Variants in CCNYL1 observed in about 807,000 individuals in gnomAD.
CCNYL1 encodes the protein cyclin Y like 1, also known as cyclin-Y-like protein 1.
Under a neutral mutation model 44.2 loss-of-function variants are expected in CCNYL1, and 16 were observed. The observed-to-expected ratio is 0.36, with a 90% CI of 0.25 to 0.55. The LOEUF is 0.55. CCNYL1 is among the 20% of genes least tolerant of loss of function. The pLI is 0.85. For missense variants in CCNYL1, 348 were observed against 451.8 expected, an observed-to-expected ratio of 0.77 and a Z score of 2.08; for synonymous variants, 159 against 163.2, an observed-to-expected ratio of 0.97 and a Z score of 0.20.
intron 2 of CCNYL1, 26 bp downstream of exon 2, chr2:207,724,900 C>A: frequency 1.3e-6 from 2 of 1,541,090 alleles, no homozygotes; most frequent in Non-Finnish European, 1.8e-6. Context: ...TTTTTCCTTC[C>A]AAGGAAAAGA....
intron 4 of CCNYL1, among the ~76,000 whole-genome samples, chr2:207,735,789 G>A (rs1450020695): frequency 2.0e-5 from 3 of 152,052 alleles, no homozygotes; most frequent in South Asian, 2.1e-4. Flanking sequence ...GCTTGAATCC[G>A]GGAAGCGGAG....
At chr2:207,717,817 G>A (rs1445737731) in intron 1 of CCNYL1, among the ~76,000 whole-genome samples, 8 of 152,108 alleles carry the variant, frequency 5.3e-5, no homozygotes, top group Admixed American at 3.3e-4. Flanking sequence ...TTAAGGCCAT[G>A]TGTGTATAGT....
At position 207,733,882 on chromosome 2, in the gene CCNYL1, G is replaced by GA. The variant is rs1489911521; in HGVS notation, c.331-60dup. The GA allele has an allele frequency of 3.8e-6, 4 of 1,047,350 alleles. No homozygotes were observed. In the South Asian group the frequency reaches 5.4e-5, roughly 14 times the overall value. The allele number at this position is 1,047,350 out of a possible 1,614,324, so 64.9% of individuals were successfully genotyped here. On this transcript the variant is annotated intron_variant, in intron 3 of 9. Transcript: ENST00000295414. ...TTTATCATTTGACATTTTAACCAAGGAAAAACCACACTTTTATAGGTTTAA... is the reference window on the plus strand; with the variant it reads ...TTTATCATTTGACATTTTAACCAAGGAAAAAACCACACTTTTATAGGTTTAA...
chr2:207,743,416 A>G (rs1427700609), intron 7 of CCNYL1, among the ~76,000 whole-genome samples: 1 of 152,178 alleles, frequency 6.6e-6, no homozygotes, highest in Non-Finnish European at 1.5e-5. Flanking sequence ...AGGAATGAAG[A>G]GTTATAGTAG....
chr2:207,733,863 A>G, intron 3 of CCNYL1, 84 bp from the exon 4 acceptor site: 2 of 817,976 alleles, frequency 2.4e-6, no homozygotes, highest in South Asian at 3.1e-5. Context: ...ATGCTTTATC[A>G]TTTGACATTT....
At chr2:207,749,452 T>G (rs1487023274) in intron 8 of CCNYL1, among the ~76,000 whole-genome samples, 2 of 152,204 alleles carry the variant, frequency 1.3e-5, no homozygotes, top group Non-Finnish European at 2.9e-5. Context: ...TCAGACGGTT[T>G]GCTGTGCCTG....
At chr2:207,726,571 A>T (rs577850030) in intron 2 of CCNYL1, among the ~76,000 whole-genome samples, 8 of 152,262 alleles carry the variant, frequency 5.3e-5, no homozygotes, top group Non-Finnish European at 1.2e-4. Context: ...CTCATTTAGC[A>T]TAATTTGTTT....
chr2:207,742,211 TTC>T lies in CCNYL1; in HGVS notation c.520-10_520-9del. ...TCAGTGGATACTAACATTGCATCTT[TTC>T]TTCTTTCAGCGAGAAAAAGTTCCAG... On this transcript the variant is annotated splice_polypyrimidine_tract_variant and intron_variant, in intron 6 of 9. Coordinates refer to ENST00000295414, the MANE Select transcript of CCNYL1 (RefSeq NM_001330218.2). 1 of 1,594,308 alleles carries T rather than the reference TTC, an allele frequency of 6.3e-7. No individual in the cohort carries two copies. Among genetic ancestry groups the T allele is most frequent in the Non-Finnish European group, 8.5e-7 (1 of 1,174,694 alleles).
At chr2:207,727,985 CA>C (rs1159217361) in intron 3 of CCNYL1, among the ~76,000 whole-genome samples, 2 of 144,646 alleles carry the variant, frequency 1.4e-5, no homozygotes, top group Non-Finnish European at 3.0e-5. Flanking sequence ...TTTTTTGAGA[CA>C]AAGTCTTGCT....
chr2:207,730,481 G>A (rs1257797471), intron 3 of CCNYL1, among the ~76,000 whole-genome samples: 1 of 152,184 alleles, frequency 6.6e-6, no homozygotes, highest in Non-Finnish European at 1.5e-5. Context: ...GCTGTGGCCG[G>A]GTGCGGTGGC....
intron 3 of CCNYL1, among the ~76,000 whole-genome samples, chr2:207,728,896 A>G (rs2091700372): frequency 6.6e-6 from 1 of 151,882 alleles, no homozygotes; most frequent in East Asian, 1.9e-4. Context: ...TCCCAAGTTC[A>G]AGCAATTCTC....
intron 1 of CCNYL1, among the ~76,000 whole-genome samples, chr2:207,724,460 T>C (rs893186669): frequency 2.0e-5 from 3 of 152,226 alleles, no homozygotes; most frequent in African/African-American, 7.2e-5. Context: ...AATGTGCTAG[T>C]AATAGCAGTA....
intron 5 of CCNYL1, among the ~76,000 whole-genome samples, chr2:207,738,761 C>A (rs903085332): frequency 6.6e-6 from 1 of 152,096 alleles, no homozygotes; most frequent in Middle Eastern, 3.4e-3. Context: ...ATTCCATCAC[C>A]CAGGCTGGAG....
intron 1 of CCNYL1, among the ~76,000 whole-genome samples, chr2:207,718,638 G>A (rs563271064): frequency 1.3e-5 from 2 of 152,316 alleles, no homozygotes; most frequent in South Asian, 4.1e-4. Context: ...AAACTGTGCT[G>A]TGATTTCTCT....
chr2:207,714,308 A>G, intron 1 of CCNYL1: 3 of 382,260 alleles, frequency 7.8e-6, no homozygotes, highest in Non-Finnish European at 1.5e-5. Context: ...CAACACTTAC[A>G]TCTCTTTTTT....
At chr2:207,717,835 G>A in intron 1 of CCNYL1, among the ~76,000 whole-genome samples, 1 of 152,124 alleles carries the variant, frequency 6.6e-6, no homozygotes, top group East Asian at 1.9e-4. Flanking sequence ...AGTGGGCCTT[G>A]GCAAAGAATA....
At chr2:207,737,684 T>C (rs951429856) in intron 5 of CCNYL1, among the ~76,000 whole-genome samples, 9 of 141,506 alleles carry the variant, frequency 6.4e-5, no homozygotes, top group African/African-American at 2.7e-4. Context: ...GAAATTGAAG[T>C]TGAGAATTTA....
chr2:207,747,334 A>C lies in CCNYL1; in HGVS notation c.806+121A>C, dbSNP rs998174206. The C allele has an allele frequency of 5.4e-6, 4 of 746,566 alleles. No homozygotes were observed. In the African/African-American group the frequency reaches 7.1e-5, roughly 13 times the overall value. 46.2% of individuals were successfully genotyped at this position (746,566 alleles called of 1,614,324 possible). ...TATGCAGATAATGGAAATAGGCATA[A>C]GACTATATCTGTCTATCTTTAGTAT... is the stretch of plus-strand genomic sequence containing the variant. On this transcript the variant is annotated intron_variant, in intron 8 of 9. Transcript: ENST00000295414.
rs1164068325 is a variant in CCNYL1, at chr2:207,754,068, T to G, written c.*370T>G. 1 of 160,608 alleles carries G rather than the reference T, an allele frequency of 6.2e-6. No homozygotes were observed. 9.9% of individuals were successfully genotyped at this position (160,608 alleles called of 1,614,324 possible). ...AGACACTAACCATATAACTTTTATG[T>G]TTCTTCCAGTTTCTCTCCCTCCCCC... On this transcript the variant is annotated 3_prime_UTR_variant, in exon 10 of 10. Transcript: ENST00000295414.
Sources: allele counts gnomAD v4.1 joint callset (sites outside exome capture counted in the v4.1 genomes callset), GRCh38; gene constraint gnomAD v4.1.1; transcripts MANE v1.5; gene names NCBI Gene and HGNC (gene_info 2026-07-23, HGNC 2026-07-21).